Variants in RAI14 observed in about 807,000 individuals in gnomAD.
RAI14 encodes retinoic acid induced 14.
A neutral mutation model predicts 115.4 loss-of-function variants in RAI14; 45 were observed. The ratio of observed to expected loss-of-function variants is 0.39; its 90% confidence interval spans 0.31 to 0.50. RAI14 has a LOEUF of 0.50. RAI14 is among the 20% of genes least tolerant of loss of function. The pLI, the probability that RAI14 is intolerant of heterozygous loss-of-function variation, is 0.85. For synonymous variants in RAI14, 371 were observed against 415.4 expected (o/e 0.89, Z 1.30); for missense variants, 939 against 1,131.2 (o/e 0.83, Z 2.44).
chr5:34,676,405 C>T (rs1743977860), intron 1 of RAI14, among the ~76,000 whole-genome samples: 1 of 152,144 alleles, frequency 6.6e-6, no homozygotes, highest in South Asian at 2.1e-4. Flanking sequence ...TAAAAATAAC[C>T]TCGATTTAAG....
At chr5:34,762,582 G>T (rs1748789949) in intron 3 of RAI14, among the ~76,000 whole-genome samples, 3 of 152,182 alleles carry the variant, frequency 2.0e-5, no homozygotes, top group Admixed American at 6.5e-5. Flanking sequence ...TTTAGGAAAA[G>T]AATAAAGGAA....
intron 2 of RAI14, among the ~76,000 whole-genome samples, chr5:34,750,848 AT>A (rs869028180): frequency 3.3e-3 from 278 of 83,614 alleles, no homozygotes; most frequent in East Asian, 0.023. Context: ...TTGCTTTATC[AT>A]TTTTTTTTTT....
At chr5:34,759,461 G>A (rs9292563) in intron 3 of RAI14, among the ~76,000 whole-genome samples, 39,593 of 151,958 alleles carry the variant, frequency 0.26, 5,352 homozygotes, top group Middle Eastern at 0.33. Flanking sequence ...TCTGAGCTCC[G>A]CCTCCTGTCA....
intron 1 of RAI14, among the ~76,000 whole-genome samples, chr5:34,676,508 A>C (rs1743983157): frequency 6.6e-6 from 1 of 152,072 alleles, no homozygotes; most frequent in Admixed American, 6.6e-5. Context: ...AATTGAATGG[A>C]GTTAGGGCAG....
chr5:34,824,097 G>A lies in RAI14; in HGVS notation c.2255G>A (p.Ser752Asn). The A allele has an allele frequency of 6.2e-7, 1 of 1,614,152 alleles. No homozygotes were observed. Among genetic ancestry groups the A allele is most frequent in the Non-Finnish European group, 8.5e-7 (1 of 1,180,004 alleles). Residue 752 changes from serine to asparagine, a missense_variant, in exon 15 of 18, where the codon AGC becomes AAC. Physicochemically the swap from Ser to Asn is conservative, Grantham distance 46. Transcript: ENST00000265109. ...GCAAAAGAGATGGAAGAAAAAATAA[G>A]CAATCTTAAGGAACACCTTGCAAGC... ...TAAKEMEEKI[S>N]NLKEHLASKE...
chr5:34,724,351 TTAAATCTGCTTGA>T, intron 2 of RAI14, among the ~76,000 whole-genome samples: 1 of 152,254 alleles, frequency 6.6e-6, no homozygotes. Context: ...TCCATATCCT[TTAAATCTGCTTGA>T]TAAGATACCC....
At chr5:34,715,501 TCTC>T (rs1741880604) in intron 2 of RAI14, among the ~76,000 whole-genome samples, 1 of 152,134 alleles carries the variant, frequency 6.6e-6, no homozygotes, top group South Asian at 2.1e-4. Flanking sequence ...AATTTTCTGT[TCTC>T]CTGAACCACT....
At chr5:34,726,524 C>T (rs1028549221) in intron 2 of RAI14, among the ~76,000 whole-genome samples, 17 of 152,162 alleles carry the variant, frequency 1.1e-4, no homozygotes, top group African/African-American at 4.1e-4. Flanking sequence ...CAGGTCCCTC[C>T]CCTAACACTG....
intron 3 of RAI14, 61 bp from the exon 4 acceptor site, chr5:34,795,878 G>A (rs1753460333): frequency 1.4e-6 from 2 of 1,432,518 alleles, no homozygotes; most frequent in African/African-American, 2.8e-5. Flanking sequence ...GGGAAACTCT[G>A]TTGGAGATGA....
intron 3 of RAI14, among the ~76,000 whole-genome samples, chr5:34,779,725 C>G (rs1751366384): frequency 6.6e-6 from 1 of 152,132 alleles, no homozygotes; most frequent in African/African-American, 2.4e-5. Flanking sequence ...AAAGAGGACA[C>G]AAACAAATGG....
At chr5:34,825,416 T>C (rs748819790) in intron 15 of RAI14, among the ~76,000 whole-genome samples, 1 of 152,188 alleles carries the variant, frequency 6.6e-6, no homozygotes, top group Non-Finnish European at 1.5e-5. Flanking sequence ...AACTGGAAAG[T>C]ATTTGTGATC....
intron 2 of RAI14, among the ~76,000 whole-genome samples, chr5:34,748,853 C>G (rs1340628842): frequency 6.6e-6 from 1 of 150,742 alleles, no homozygotes; most frequent in Non-Finnish European, 1.5e-5. Flanking sequence ...AAAGGCTATA[C>G]TGCATGTAAA....
intron 2 of RAI14, among the ~76,000 whole-genome samples, chr5:34,745,338 T>C (rs574664950): frequency 6.6e-6 from 1 of 152,322 alleles, no homozygotes; most frequent in South Asian, 2.1e-4. Flanking sequence ...CATTTGCTGC[T>C]CTTGCTTATA....
rs781134356 is a variant in RAI14, at chr5:34,823,180, G to A, written c.1338G>A (p.Glu446=). 6 of 1,613,746 alleles carry A rather than the reference G, an allele frequency of 3.7e-6. No homozygotes were observed. In the South Asian group the frequency reaches 4.4e-5, roughly 12 times the overall value. The change falls in exon 15 of 18, where the codon GAG becomes GAA. Residue 446 remains glutamate (E), a synonymous_variant. Transcript: ENST00000265109. The surrounding 1 kb of genome is among the most constrained non-coding windows in gnomAD (Gnocchi z 4.5). ...EILQDLQKRL[E]SSEAERKQLQ... ...TGCAAGATCTACAGAAGAGATTAGAGAGCTCTGAAGCAGAGAGAAAACAGC... is the reference window on the plus strand; with the variant it reads ...TGCAAGATCTACAGAAGAGATTAGAAAGCTCTGAAGCAGAGAGAAAACAGC...
chr5:34,726,352 G>A (rs972310756), intron 2 of RAI14, among the ~76,000 whole-genome samples: 5 of 152,188 alleles, frequency 3.3e-5, no homozygotes, highest in African/African-American at 1.2e-4. Flanking sequence ...ATGGTGGAAG[G>A]GTGAAGGGGA....
At chr5:34,830,242 C>A (rs1446437730) in intron 17 of RAI14, among the ~76,000 whole-genome samples, 1 of 152,138 alleles carries the variant, frequency 6.6e-6, no homozygotes. Flanking sequence ...CTTCGGCCTC[C>A]CAAAGTGCTG....
chr5:34,744,341 T>C (rs1288266304), intron 2 of RAI14, among the ~76,000 whole-genome samples: 1 of 152,230 alleles, frequency 6.6e-6, no homozygotes, highest in East Asian at 1.9e-4. Context: ...ATAAAGCAAA[T>C]AATCTTGTTT....
In RAI14 at chr5:34,755,151, G is replaced by GGAATAA. The variant is rs748809183; in HGVS notation, c.37-2316_37-2315insAATAAG. On this transcript the variant is annotated intron_variant, in intron 2 of 17. Transcript: ENST00000265109. ...GAATAAGCTGCACTGTGTTTCTTGG[G>GGAATAA]GCTTGATCATTTGCTGTAGTTGTTT... 6.3e-3 allele frequency among the ~76,000 whole-genome samples: 962 copies of GGAATAA among 152,142 alleles called. 5 individuals carry two copies. The highest frequency in any genetic ancestry group is 0.01 in the Non-Finnish European group (702 of 67,992).
At chr5:34,684,155 T>A (rs1744616546) in intron 1 of RAI14, among the ~76,000 whole-genome samples, 1 of 152,172 alleles carries the variant, frequency 6.6e-6, no homozygotes, top group South Asian at 2.1e-4. Context: ...GGTGATTCTG[T>A]TTTGACGTGA....
Sources: allele counts gnomAD v4.1 joint callset (sites outside exome capture counted in the v4.1 genomes callset), GRCh38; gene constraint gnomAD v4.1.1; non-coding constraint Gnocchi (gnomAD v3.1); transcripts MANE v1.5; gene names NCBI Gene and HGNC (gene_info 2026-07-23, HGNC 2026-07-21).